The following PSIP1 variants were observed in gnomAD, a reference collection of about 807,000 sequenced individuals.
PSIP1 encodes PC4 and SRSF1 interacting protein 1, also known as PC4 and SFRS1-interacting protein.
In PSIP1, 19 loss-of-function variants were observed where a neutral mutation model predicts 74.7. That is an observed-to-expected ratio of 0.25 (90% CI 0.18 to 0.37). The LOEUF (loss-of-function observed/expected upper bound fraction) is 0.37. Among genes scored for constraint, PSIP1 ranks in the 10% least tolerant of loss-of-function variants. The pLI, the probability that PSIP1 is intolerant of heterozygous loss-of-function variation, is 1.00. For synonymous variants in PSIP1, 222 were observed against 195.3 expected, an observed-to-expected ratio of 1.14 and a Z score of -1.14; for missense variants, 601 against 614.3, an observed-to-expected ratio of 0.98 and a Z score of 0.23.
chr9:15,492,946 C>G (rs1176983495), intron 3 of PSIP1, among the ~76,000 whole-genome samples: 1 of 152,152 alleles, frequency 6.6e-6, no homozygotes, highest in East Asian at 1.9e-4. Context: ...AGGCCCGGGA[C>G]CCAGGCCAGG....
At position 15,464,352 on chromosome 9, in the gene PSIP1, A is replaced by G. The variant is rs1055916005; in HGVS notation, c.*1168T>C. 4.1e-5 allele frequency: 8 copies of G among 194,444 alleles called. No individual in the cohort carries two copies. Among genetic ancestry groups the G allele is most frequent in the South Asian group, 1.9e-4 (1 of 5,192 alleles). 12.0% of individuals were successfully genotyped at this position (194,444 alleles called of 1,614,324 possible). On this transcript the variant is annotated 3_prime_UTR_variant, in exon 16 of 16. Coordinates refer to ENST00000380733, the MANE Select transcript of PSIP1 (RefSeq NM_033222.5). ...TTCCATATTCATATAATTTCAAAAC[A>G]TGAGAAGTATCCTACTTGCTGAGAA...
At chr9:15,473,607 G>A (rs1259201696) in intron 9 of PSIP1, among the ~76,000 whole-genome samples, 3 of 152,116 alleles carry the variant, frequency 2.0e-5, no homozygotes, top group African/African-American at 7.2e-5. Context: ...AAACTGGGCA[G>A]ATTAAGAAAT....
chr9:15,486,881 C>A lies in PSIP1; in HGVS notation c.339G>T (p.Lys113Asn), dbSNP rs765296080. ...TATCTTCCTTTGAAACACTAGTTTC[C>A]TTTTCTTCAACTTCAACATCAGATG... is the stretch of plus-strand genomic sequence containing the variant. ...NASSDVEVEE[K>N]ETSVSKEDTD... is the part of the protein sequence containing the mutation. The change falls in exon 5 of 16, where the codon AAG becomes AAT. Residue 113 changes from lysine to asparagine, a missense_variant. Coordinates refer to ENST00000380733, the MANE Select transcript of PSIP1 (RefSeq NM_033222.5). 4 of 1,612,706 alleles carry A rather than the reference C, an allele frequency of 2.5e-6. No individual in the cohort carries two copies. The highest frequency in any genetic ancestry group is 3.4e-6 in the Non-Finnish European group (4 of 1,179,390).
Position 15,478,478 on chromosome 9 carries a change from T to G in PSIP1, c.628A>C (p.Ile210Leu). ...ATTATACATTAAAAATAAACTCACA[T>G]GTCACTCTCTGAAGGACAGGGCTGT... ...VKQPCPSESD[I>L]ITEEDKSKKK... is the part of the protein sequence containing the mutation. Residue 210 changes from isoleucine to leucine, a missense_variant and splice_region_variant, in exon 8 of 16, where the codon ATC (isoleucine) becomes CTC (leucine). Coordinates refer to ENST00000380733, the MANE Select transcript of PSIP1 (RefSeq NM_033222.5). 6.3e-7 allele frequency: 1 copy of G among 1,577,998 alleles called. No homozygotes were observed. The highest frequency in any genetic ancestry group is 8.7e-7 in the Non-Finnish European group (1 of 1,148,220).
At chr9:15,469,784 A>G (rs1227821107) in intron 11 of PSIP1, among the ~76,000 whole-genome samples, 154 bp downstream of exon 11, 1 of 152,172 alleles carries the variant, frequency 6.6e-6, no homozygotes, top group Non-Finnish European at 1.5e-5. Context: ...TTAAAATACA[A>G]TGCAATTTAT....
intron 10 of PSIP1, chr9:15,471,264 A>T: frequency 6.3e-7 from 1 of 1,585,654 alleles, no homozygotes; most frequent in African/African-American, 1.3e-5. Flanking sequence ...TTTATTTTGC[A>T]TAATGCATTT....
At chr9:15,485,068 C>G (rs2036502087) in intron 6 of PSIP1, among the ~76,000 whole-genome samples, 1 of 152,120 alleles carries the variant, frequency 6.6e-6, no homozygotes, top group Non-Finnish European at 1.5e-5. Context: ...GCCTATGTGA[C>G]AGCATGAGAC....
chr9:15,501,840 CAT>C (rs112671758), intron 3 of PSIP1, among the ~76,000 whole-genome samples: 77,612 of 124,398 alleles, frequency 0.62, 24,944 homozygotes, highest in Non-Finnish European at 0.7. Context: ...TATAAAACAG[CAT>C]ATATATATAT....
rs146874560 is a variant in PSIP1 at position 15,494,884 on chromosome 9, C to T, written c.150-4760G>A. 5.8e-3 allele frequency among the ~76,000 whole-genome samples: 878 copies of T among 152,268 alleles called. 6 individuals carry two copies. The highest frequency in any genetic ancestry group is 0.017 in the South Asian group (84 of 4,828). The stretch of plus-strand genomic sequence containing the variant: ...TTAGCTCTAACAGTATAACATTCCT[C>T]TTATGTAACAGGTTTCAAATTCCAA... On this transcript the variant is annotated intron_variant, in intron 3 of 15. Coordinates refer to ENST00000380733, the MANE Select transcript of PSIP1 (RefSeq NM_033222.5).
At chr9:15,491,292 T>A (rs921667882) in intron 3 of PSIP1, among the ~76,000 whole-genome samples, 1 of 151,802 alleles carries the variant, frequency 6.6e-6, no homozygotes, top group Non-Finnish European at 1.5e-5. Context: ...AGCAAAAAAA[T>A]GCATGGCAAT....
At chr9:15,496,397 T>C (rs746962803) in intron 3 of PSIP1, among the ~76,000 whole-genome samples, 8 of 152,254 alleles carry the variant, frequency 5.3e-5, no homozygotes, top group Non-Finnish European at 7.3e-5. Context: ...TGTGACATTG[T>C]ATCATTGCTT....
At chr9:15,472,532 A>C in intron 10 of PSIP1, 100 bp downstream of exon 10, 1 of 1,477,778 alleles carries the variant, frequency 6.8e-7, no homozygotes, top group Non-Finnish European at 8.9e-7. Context: ...TCACTTCTTC[A>C]AAAGGCTTCA....
chr9:15,478,693 AAAT>A (rs1457628815), intron 7 of PSIP1, 141 bp from the exon 8 acceptor site: 3 of 561,704 alleles, frequency 5.3e-6, no homozygotes, highest in African/African-American at 1.9e-5. Context: ...TAAATTGAAA[AAAT>A]AATACCTCCC....
At chr9:15,473,908 AAAAAAACAAAAAAAAAAAC>A (rs2035952359) in intron 9 of PSIP1, 82 bp downstream of exon 9, 11 of 870,128 alleles carry the variant, frequency 1.3e-5, no homozygotes, top group Middle Eastern at 3.9e-4. Flanking sequence ...CTCAAACAAA[AAAAAAACAAAAAAAAAAAC>A]AAAAAAAAAA....
intron 6 of PSIP1, among the ~76,000 whole-genome samples, chr9:15,485,250 G>A (rs2036511360): frequency 6.6e-6 from 1 of 152,100 alleles, no homozygotes; most frequent in East Asian, 1.9e-4. Flanking sequence ...TACTCAAGAT[G>A]CTTGAGTAGG....
At chr9:15,505,302 T>A (rs1009759960) in intron 3 of PSIP1, 1 of 152,162 alleles carries the variant, frequency 6.6e-6, no homozygotes, top group Non-Finnish European at 1.5e-5. Context: ...CAACACACTT[T>A]GAAAAGCCCT....
intron 5 of PSIP1, 50 bp from the exon 6 acceptor site, chr9:15,486,118 G>A: frequency 7.0e-7 from 1 of 1,435,420 alleles, no homozygotes; most frequent in Non-Finnish European, 9.6e-7. Flanking sequence ...TTCCAGGAAT[G>A]AAAGAAACCT....
At chr9:15,473,588 A>T (rs2035936230) in intron 9 of PSIP1, among the ~76,000 whole-genome samples, 1 of 152,228 alleles carries the variant, frequency 6.6e-6, no homozygotes, top group Non-Finnish European at 1.5e-5. Context: ...CAAAATATTA[A>T]AAGCTCTTAA....
intron 9 of PSIP1, 127 bp from the exon 10 acceptor site, chr9:15,472,877 C>G (rs563203533): frequency 8.5e-6 from 7 of 819,244 alleles, no homozygotes; most frequent in African/African-American, 1.8e-5. Context: ...AATTAGCAAC[C>G]TAAAAATAGT....
Sources: gnomAD v4.1 joint callset for allele counts (sites outside exome capture counted in the v4.1 genomes callset) on GRCh38, gnomAD v4.1.1 for gene constraint, MANE v1.5 for transcripts, NCBI Gene and HGNC (gene_info 2026-07-23, HGNC 2026-07-21) for gene names.